Variants in CARF observed in about 807,000 individuals in gnomAD.
CARF encodes calcium responsive transcription factor.
Under a neutral mutation model 82.0 loss-of-function variants are expected in CARF, and 57 were observed. The ratio of observed to expected loss-of-function variants is 0.70; its 90% CI spans 0.56 to 0.87. CARF has a LOEUF of 0.87. Among genes scored for constraint, CARF ranks in the 40% least tolerant of loss-of-function variants. The probability of loss-of-function intolerance (pLI) is 0.00; values close to 1 mark genes in which losing one functional copy is unlikely to be tolerated. For synonymous variants in CARF, 268 were observed against 290.1 expected (o/e 0.92, Z 0.77); for missense variants, 771 against 855.8 (o/e 0.90, Z 1.24).
chr2:202,938,909 T>C (rs2058082631), intron 3 of CARF, among the ~76,000 whole-genome samples: 1 of 152,126 alleles, frequency 6.6e-6, no homozygotes, highest in Non-Finnish European at 1.5e-5. Context: ...TTAAATACTA[T>C]TCCTATGACT....
Position 202,983,778 on chromosome 2 carries a change from C to T in CARF, c.*154C>T. On this transcript the variant is annotated 3_prime_UTR_variant, in exon 17 of 17. Transcript: ENST00000438828. ...AAAACTGATATATTTGTTGCCAGTT[C>T]CATATTTTTACCTTCCTTAAGAGAT... 1.7e-6 allele frequency: 1 copy of T among 591,606 alleles called. No individual in the cohort carries two copies. Among genetic ancestry groups the T allele is most frequent in the East Asian group, 3.0e-5 (1 of 33,144 alleles). The allele number at this position is 591,606 out of a possible 1,614,324, so 36.6% of individuals were successfully genotyped here. A position where few individuals can be genotyped will look rare whatever the true frequency, so the allele number is the denominator to read the frequency against.
chr2:202,913,908 A>C (rs746114151), intron 1 of CARF, among the ~76,000 whole-genome samples: 1 of 152,254 alleles, frequency 6.6e-6, no homozygotes, highest in Non-Finnish European at 1.5e-5. Flanking sequence ...GCTTAATAAT[A>C]TAAGACTTTC....
intron 9 of CARF, among the ~76,000 whole-genome samples, chr2:202,965,446 C>G (rs1181908309): frequency 6.6e-6 from 1 of 152,050 alleles, no homozygotes; most frequent in Non-Finnish European, 1.5e-5. Flanking sequence ...TTGCATTTCC[C>G]TGTTTACTTA....
chr2:202,963,392 A>G (rs1001626267), intron 9 of CARF, among the ~76,000 whole-genome samples: 1 of 151,858 alleles, frequency 6.6e-6, no homozygotes, highest in African/African-American at 2.4e-5. Context: ...TGGACCAGGT[A>G]TATTTCAGAA....
chr2:202,974,458 G>A lies in CARF; in HGVS notation c.1456G>A (p.Gly486Arg). The A allele has an allele frequency of 6.2e-7, 1 of 1,606,798 alleles. No homozygotes were observed. Among genetic ancestry groups the A allele is most frequent in the Non-Finnish European group, 8.5e-7 (1 of 1,178,094 alleles). The change falls in exon 13 of 17, where the codon GGA becomes AGA. Residue 486 changes from glycine (G) to arginine (R), a missense_variant. Physicochemically the swap from Gly to Arg is moderately radical, Grantham distance 125. Coordinates refer to ENST00000438828, the MANE Select transcript of CARF (RefSeq NM_024744.17). Reference protein sequence around the residue: ...IHEVQKSLRNGDTVYNSEIIP... With the variant: ...IHEVQKSLRNRDTVYNSEIIP... Reference sequence around the variant, plus strand: ...TGAGGTACAGAAATCCTTGAGAAATGGAGATACGGTATATAACTCAGAGAT... The same window carrying A: ...TGAGGTACAGAAATCCTTGAGAAATAGAGATACGGTATATAACTCAGAGAT...
At chr2:202,968,235 T>C (rs771787773) in intron 10 of CARF, among the ~76,000 whole-genome samples, 5 of 152,110 alleles carry the variant, frequency 3.3e-5, no homozygotes, top group South Asian at 2.1e-4. Flanking sequence ...ACCCCATCTC[T>C]ACTAAAAATA....
intron 8 of CARF, among the ~76,000 whole-genome samples, chr2:202,956,728 C>G (rs1184440720): frequency 2.0e-5 from 3 of 152,142 alleles, no homozygotes; most frequent in Non-Finnish European, 4.4e-5. Context: ...CTTAGACACC[C>G]AGGCATAAAG....
chr2:202,921,526 A>T (rs1335975626), intron 2 of CARF, among the ~76,000 whole-genome samples: 1 of 152,228 alleles, frequency 6.6e-6, no homozygotes, highest in African/African-American at 2.4e-5. Flanking sequence ...ACCTGATTTT[A>T]AAAATTCAGA....
In CARF at chr2:202,971,577, A is replaced by C. The variant is rs185950952; in HGVS notation, c.1170A>C (p.Ser390=). Residue 390 remains serine (S), a synonymous_variant, in exon 12 of 17, where the codon TCA becomes TCC. Transcript: ENST00000438828. Reference sequence around the variant, plus strand: ...TAGAGACTCCCTGCCTCACTTTGTCACCTTCTCCTTTTCCTGTGTCTTCTC... The same window carrying C: ...TAGAGACTCCCTGCCTCACTTTGTCCCCTTCTCCTTTTCCTGTGTCTTCTC... ...HELETPCLTL[S]PSPFPVSSLE... 2.0e-5 allele frequency: 32 copies of C among 1,613,772 alleles called. No individual in the cohort carries two copies. In the African/African-American group the frequency reaches 3.1e-4, roughly 15 times the overall value.
In CARF at chr2:202,964,912, CAT is replaced by C. The variant is rs998502930; in HGVS notation, c.833-2064_833-2063del. ...ATATATATATATATACACACACACA[CAT>C]ACATATATGAGAATCCTGTGATCAC... is the stretch of plus-strand genomic sequence containing the variant. On this transcript the variant is annotated intron_variant, in intron 9 of 16. Coordinates refer to ENST00000438828, the MANE Select transcript of CARF (RefSeq NM_024744.17). Among the ~76,000 whole-genome samples the C allele has an allele frequency of 1.1e-4, 16 of 148,756 alleles. No homozygotes were observed. In the South Asian group the frequency reaches 2.8e-3, roughly 26 times the overall value.
chr2:202,933,453 T>A (rs893223740), intron 3 of CARF, among the ~76,000 whole-genome samples: 3 of 152,134 alleles, frequency 2.0e-5, no homozygotes, highest in Non-Finnish European at 2.9e-5. Context: ...CTGGGCTTGG[T>A]GCCTGTGAAG....
chr2:202,977,145 G>A, intron 13 of CARF, 124 bp from the exon 14 acceptor site: 1 of 690,996 alleles, frequency 1.4e-6, no homozygotes, highest in Non-Finnish European at 2.5e-6. Context: ...ATATGAACAA[G>A]TGAAGAGAGT....
At chr2:202,930,069 ACAGGGCCTCAATCTGTCGCC>A (rs1692605284) in intron 3 of CARF, among the ~76,000 whole-genome samples, 1 of 151,558 alleles carries the variant, frequency 6.6e-6, no homozygotes, top group Admixed American at 6.6e-5. Context: ...TTGTTTTGAG[ACAGGGCCTCAATCTGTCGCC>A]CAGGCTGGAG....
intron 13 of CARF, among the ~76,000 whole-genome samples, chr2:202,975,450 G>GA (rs954810902): frequency 2.7e-5 from 4 of 148,034 alleles, no homozygotes; most frequent in Admixed American, 6.7e-5. Context: ...TCTAAAAAAA[G>GA]AAAAAAAAAT....
At chr2:202,954,191 C>A (rs1474352264) in intron 7 of CARF, 57 bp downstream of exon 7, 20 of 1,561,488 alleles carry the variant, frequency 1.3e-5, no homozygotes, top group Non-Finnish European at 1.7e-5. Context: ...AATCTTTTTA[C>A]AAATTACACA....
chr2:202,929,200 G>A (rs1692423097), intron 3 of CARF, among the ~76,000 whole-genome samples: 1 of 152,160 alleles, frequency 6.6e-6, no homozygotes, highest in Non-Finnish European at 1.5e-5. Flanking sequence ...TTTTTAGTTT[G>A]ATACAAATCC....
In CARF at chr2:202,961,390, T is replaced by G. The variant is rs779813712; in HGVS notation, c.796T>G (p.Tyr266Asp). 5.6e-6 allele frequency: 9 copies of G among 1,614,082 alleles called. No homozygotes were observed. The highest frequency in any genetic ancestry group is 7.6e-6 in the Non-Finnish European group (9 of 1,180,044). ...TACACGCTTGATGTGGAAATCCCAG[T>G]ATGTTCCATATGATGGAATCCCATT... Reference protein sequence around the residue: ...PATRLMWKSQYVPYDGIPFVN... With the variant: ...PATRLMWKSQDVPYDGIPFVN... The change falls in exon 9 of 17, where the codon TAT (tyrosine) becomes GAT (aspartate). Residue 266 changes from tyrosine to aspartate, a missense_variant. By Grantham distance (160) the Tyr-to-Asp change is radical. Coordinates refer to ENST00000438828, the MANE Select transcript of CARF (RefSeq NM_024744.17).
intron 16 of CARF, 51 bp from the exon 17 acceptor site, chr2:202,983,455 C>A: frequency 8.9e-7 from 1 of 1,125,572 alleles, no homozygotes; most frequent in Non-Finnish European, 1.3e-6. Flanking sequence ...CCCTCTCTTC[C>A]AGTGTCATGA....
At chr2:202,931,152 T>C (rs2105758074) in intron 3 of CARF, among the ~76,000 whole-genome samples, 1 of 152,036 alleles carries the variant, frequency 6.6e-6, no homozygotes, top group African/African-American at 2.4e-5. Flanking sequence ...TTCATATTTT[T>C]AGTAGAGATG....
Sources: gnomAD v4.1 joint callset for allele counts (sites outside exome capture counted in the v4.1 genomes callset) on GRCh38, gnomAD v4.1.1 for gene constraint, MANE v1.5 for transcripts, NCBI Gene and HGNC (gene_info 2026-07-23, HGNC 2026-07-21) for gene names.